The following CFAP61 variants were observed in gnomAD, a reference collection of about 807,000 sequenced individuals.
The protein encoded by CFAP61 is cilia and flagella associated protein 61.
In CFAP61, 107 loss-of-function variants were observed where a neutral mutation model predicts 135.6. The ratio of observed to expected loss-of-function variants is 0.79; its 90% CI spans 0.67 to 0.93. The LOEUF is 0.93. CFAP61 is among the 40% of genes least tolerant of loss of function. The pLI, the probability that CFAP61 is intolerant of heterozygous loss-of-function variation, is 0.00. For missense variants in CFAP61, 1,507 were observed against 1,556.2 expected, an observed-to-expected ratio of 0.97 and a Z score of 0.53; for synonymous variants, 575 against 578.5, an observed-to-expected ratio of 0.99 and a Z score of 0.09.
At chr20:20,259,412 A>C (rs1480027325) in intron 20 of CFAP61, among the ~76,000 whole-genome samples, 1 of 149,392 alleles carries the variant, frequency 6.7e-6, no homozygotes, top group East Asian at 1.9e-4. Flanking sequence ...CATGCCGCCA[A>C]ACCCAGCTAA....
At chr20:20,056,824 T>A in intron 2 of CFAP61, 28 bp downstream of exon 2, 1 of 1,611,270 alleles carries the variant, frequency 6.2e-7, no homozygotes, top group Non-Finnish European at 8.5e-7. Context: ...TTCAAGAATG[T>A]TCATCAATTT....
chr20:20,169,562 A>G lies in CFAP61; in HGVS notation c.1385+102A>G, dbSNP rs41279006. 9,666 of 1,030,344 alleles carry G rather than the reference A, an allele frequency of 9.4e-3. 67 individuals are homozygous for G. The highest frequency in any genetic ancestry group is 0.012 in the Non-Finnish European group (9,042 of 771,234). 63.8% of individuals were successfully genotyped at this position (1,030,344 alleles called of 1,614,324 possible). ...TATAATTTAATAATTTATTTTAAAT[A>G]TCATCTTTTATTAGAAGAGGTCTTG... is the stretch of plus-strand genomic sequence containing the variant. On this transcript the variant is annotated intron_variant, in intron 13 of 26. Coordinates refer to ENST00000245957, the MANE Select transcript of CFAP61 (RefSeq NM_015585.4).
chr20:20,303,590 G>C (rs138490620), intron 25 of CFAP61, among the ~76,000 whole-genome samples: 4 of 152,062 alleles, frequency 2.6e-5, no homozygotes, highest in Admixed American at 6.6e-5. Context: ...TAATTTTTGC[G>C]CCAGCACTCC....
intron 21 of CFAP61, among the ~76,000 whole-genome samples, chr20:20,273,682 A>G (rs1461129843): frequency 6.6e-6 from 1 of 152,242 alleles, no homozygotes; most frequent in Non-Finnish European, 1.5e-5. Flanking sequence ...GCTAGGCTCC[A>G]GGGATAACAT....
At chr20:20,309,250 A>G (rs1362293905) in intron 25 of CFAP61, among the ~76,000 whole-genome samples, 4 of 152,210 alleles carry the variant, frequency 2.6e-5, no homozygotes, top group African/African-American at 9.6e-5. Flanking sequence ...TCCAAAAGCA[A>G]TATGTGTTTA....
At chr20:20,319,423 G>A (rs1322614985) in intron 25 of CFAP61, among the ~76,000 whole-genome samples, 2 of 152,214 alleles carry the variant, frequency 1.3e-5, no homozygotes, top group African/African-American at 4.8e-5. Flanking sequence ...CCCCATTGTT[G>A]GAAGAGGGGC....
intron 24 of CFAP61, among the ~76,000 whole-genome samples, chr20:20,294,797 T>A (rs112777338): frequency 8.0e-4 from 120 of 150,822 alleles, no homozygotes; most frequent in Admixed American, 4.3e-3. Flanking sequence ...GCGCGGTGGC[T>A]GGCGCCTGTA....
At chr20:20,211,489 C>G (rs1280767275) in intron 17 of CFAP61, among the ~76,000 whole-genome samples, 1 of 151,978 alleles carries the variant, frequency 6.6e-6, no homozygotes, top group African/African-American at 2.4e-5. Context: ...GAAGAAAATA[C>G]AAAAGATGAC....
intron 22 of CFAP61, among the ~76,000 whole-genome samples, chr20:20,288,207 C>A (rs908129572): frequency 6.6e-6 from 1 of 152,142 alleles, no homozygotes; most frequent in African/African-American, 2.4e-5. Flanking sequence ...AAGGAACCTG[C>A]AGAGACCCGA....
At chr20:20,220,258 C>T (rs2048311921) in intron 17 of CFAP61, 1 of 152,286 alleles carries the variant, frequency 6.6e-6, no homozygotes, top group South Asian at 2.1e-4. Context: ...GGGTGGTAAA[C>T]ACTGGAGGTG....
chr20:20,262,967 T>C lies in CFAP61; in HGVS notation c.2340T>C (p.Pro780=), dbSNP rs369233644. Residue 780 remains proline, a synonymous_variant, in exon 21 of 27, where the codon CCT becomes CCC. Transcript: ENST00000245957. The part of the protein sequence containing the change: ...CTGQQYQVPC[P]TEADISQHLT... Reference sequence around the variant, plus strand: ...CTAACATGCTTCAGGTCCCATGCCCTACAGAGGCTGATATTAGTCAACACC... The same window carrying C: ...CTAACATGCTTCAGGTCCCATGCCCCACAGAGGCTGATATTAGTCAACACC... 2.4e-5 allele frequency: 38 copies of C among 1,612,852 alleles called. No individual in the cohort carries two copies. In the African/African-American group the frequency reaches 4.3e-4, roughly 18 times the overall value.
chr20:20,138,933 T>C (rs2146740390), intron 8 of CFAP61, among the ~76,000 whole-genome samples: 1 of 152,358 alleles, frequency 6.6e-6, no homozygotes, highest in Admixed American at 6.5e-5. Flanking sequence ...CTCTCTGTTT[T>C]AATAACTATG....
rs192598953 is a variant in CFAP61 at position 20,054,143 on chromosome 20, C to G, written c.-37+1552C>G. Among the ~76,000 whole-genome samples the G allele has an allele frequency of 6.1e-5, 9 of 147,886 alleles. No individual in the cohort carries two copies. In the East Asian group the frequency reaches 1.8e-3, roughly 29 times the overall value. ...ATTTAATCTTGTATTCCACTTCTTT[C>G]TGATTTTATTCTTCTCAGAATATAC... is the stretch of plus-strand genomic sequence containing the variant. On this transcript the variant is annotated intron_variant, in intron 1 of 26. Transcript: ENST00000245957.
chr20:20,269,804 G>A (rs73114492), intron 21 of CFAP61, among the ~76,000 whole-genome samples: 3 of 152,196 alleles, frequency 2.0e-5, no homozygotes, highest in South Asian at 2.1e-4. Flanking sequence ...TTTTAGTAAC[G>A]TGTTACATAT....
chr20:20,142,535 G>A (rs568047362), intron 8 of CFAP61, among the ~76,000 whole-genome samples: 1 of 152,338 alleles, frequency 6.6e-6, no homozygotes, highest in Non-Finnish European at 1.5e-5. Flanking sequence ...GACTGGCAGA[G>A]GTTGAGGGCC....
chr20:20,338,475 T>G (rs2058322415), intron 25 of CFAP61, among the ~76,000 whole-genome samples: 2 of 151,764 alleles, frequency 1.3e-5, no homozygotes, highest in African/African-American at 4.8e-5. Context: ...TTGGAAAAAG[T>G]GATATGTTTC....
intron 25 of CFAP61, among the ~76,000 whole-genome samples, chr20:20,325,206 C>G (rs973094918): frequency 6.6e-6 from 1 of 152,190 alleles, no homozygotes; most frequent in Non-Finnish European, 1.5e-5. Flanking sequence ...CTATTTGATA[C>G]AACTGATGAA....
intron 8 of CFAP61, among the ~76,000 whole-genome samples, chr20:20,131,153 A>G (rs1239567623): frequency 2.6e-5 from 4 of 151,664 alleles, no homozygotes; most frequent in Non-Finnish European, 5.9e-5. Flanking sequence ...GGCTCTAGGA[A>G]CTGTCTCTTT....
intron 6 of CFAP61, among the ~76,000 whole-genome samples, chr20:20,076,025 G>T (rs1195831908): frequency 6.6e-6 from 1 of 152,112 alleles, no homozygotes; most frequent in Non-Finnish European, 1.5e-5. Context: ...CCAAATTGAA[G>T]GTCTCTACCA....
Sources: allele counts gnomAD v4.1 joint callset (sites outside exome capture counted in the v4.1 genomes callset), GRCh38; gene constraint gnomAD v4.1.1; transcripts MANE v1.5; gene names NCBI Gene and HGNC (gene_info 2026-07-23, HGNC 2026-07-21).